The following PCDH15 variants were observed in gnomAD, a reference collection of about 807,000 sequenced individuals.
PCDH15 encodes the protein protocadherin-15.
In PCDH15, 129 loss-of-function variants were observed where a neutral mutation model predicts 178.5. That is an observed-to-expected ratio of 0.72 (90% CI 0.63 to 0.84). The LOEUF (loss-of-function observed/expected upper bound fraction) is 0.84. PCDH15 is among the 40% of genes least tolerant of loss of function. PCDH15 has a pLI of 0.00. For synonymous variants in PCDH15, 800 were observed against 732.0 expected (o/e 1.09, Z -1.50); for missense variants, 2,230 against 2,099.9 (o/e 1.06, Z -1.21).
At chr10:55,284,333 G>T (rs1004269983) in intron 1 of PCDH15, among the ~76,000 whole-genome samples, 2 of 152,028 alleles carry the variant, frequency 1.3e-5, no homozygotes, top group African/African-American at 2.4e-5. Flanking sequence ...AAACTACACT[G>T]AGAGTAAGTT....
intron 2 of PCDH15, among the ~76,000 whole-genome samples, chr10:54,927,536 T>C (rs1837662534): frequency 6.7e-6 from 1 of 149,986 alleles, no homozygotes; most frequent in African/African-American, 2.4e-5. Context: ...TAATGAAGTG[T>C]GGAAATCTTC....
At chr10:55,288,870 G>GATATATATATATATATATAT (rs143549237) in intron 1 of PCDH15, among the ~76,000 whole-genome samples, 3 of 146,188 alleles carry the variant, frequency 2.1e-5, no homozygotes, top group African/African-American at 7.6e-5. Context: ...AATTCTATTA[G>GATATATATATATATATATAT]ATATATATAT....
chr10:54,804,585 G>A (rs57542033), upstream of PCDH15, among the ~76,000 whole-genome samples: 5,953 of 151,608 alleles, frequency 0.039, 350 homozygotes, highest in African/African-American at 0.13. Flanking sequence ...AATATGTTTA[G>A]CAGATTTTTG....
At chr10:54,003,341 T>C (rs755193084) in intron 20 of PCDH15, among the ~76,000 whole-genome samples, 1 of 151,988 alleles carries the variant, frequency 6.6e-6, no homozygotes, top group Non-Finnish European at 1.5e-5. Context: ...TAAAAAGTTA[T>C]ATAAAATTGA....
intron 2 of PCDH15, among the ~76,000 whole-genome samples, chr10:55,544,733 G>C (rs1304610108): frequency 6.6e-6 from 1 of 151,984 alleles, no homozygotes; most frequent in African/African-American, 2.4e-5. Context: ...GTTTTAATCT[G>C]GTGTATTTTT....
At chr10:53,928,074 A>C (rs1333208996) in intron 25 of PCDH15, among the ~76,000 whole-genome samples, 13 of 152,078 alleles carry the variant, frequency 8.5e-5, no homozygotes, top group Admixed American at 8.5e-4. Flanking sequence ...ATGAATATAG[A>C]AATTCAGAAA....
intron 7 of PCDH15, among the ~76,000 whole-genome samples, chr10:54,319,076 A>G (rs1020507557): frequency 4.3e-4 from 66 of 152,198 alleles, no homozygotes; most frequent in Middle Eastern, 3.2e-3. Context: ...AAGAACATCC[A>G]TTGTCAAGGG....
At chr10:55,356,328 A>C (rs1032699887) in intron 2 of PCDH15, among the ~76,000 whole-genome samples, 2 of 151,862 alleles carry the variant, frequency 1.3e-5, no homozygotes, top group African/African-American at 4.8e-5. Flanking sequence ...AAAGGAGAAG[A>C]GGAAAAAATG....
intron 1 of PCDH15, among the ~76,000 whole-genome samples, chr10:55,288,258 A>T (rs1842922816): frequency 6.6e-6 from 1 of 150,998 alleles, no homozygotes; most frequent in African/African-American, 2.4e-5. Flanking sequence ...TTGTTTATCT[A>T]GTATCGAATA....
intron 3 of PCDH15, among the ~76,000 whole-genome samples, chr10:54,415,967 C>T (rs7913337): frequency 0.79 from 120,169 of 151,394 alleles, 48,446 homozygotes; most frequent in East Asian, 0.97. Flanking sequence ...AAAAAATCGA[C>T]TTTTTTATTT....
At chr10:54,293,732 G>C (rs921611466) in intron 8 of PCDH15, among the ~76,000 whole-genome samples, 3 of 152,082 alleles carry the variant, frequency 2.0e-5, no homozygotes, top group African/African-American at 7.2e-5. Context: ...CATCATCACT[G>C]GTCACCAGAG....
intron 2 of PCDH15, among the ~76,000 whole-genome samples, chr10:55,615,329 A>T (rs1843452012): frequency 1.3e-5 from 2 of 152,218 alleles, no homozygotes; most frequent in Admixed American, 1.3e-4. Flanking sequence ...AACAATAAAA[A>T]TCACTTACTC....
chr10:54,803,319 CTATT>C (rs972226094), upstream of PCDH15, among the ~76,000 whole-genome samples: 19 of 152,026 alleles, frequency 1.2e-4, no homozygotes, highest in African/African-American at 4.3e-4. Flanking sequence ...AACAAAATAC[CTATT>C]TTTTGACAGA....
chr10:55,042,233 G>GGT (rs1840882014), intron 2 of PCDH15, among the ~76,000 whole-genome samples: 1 of 152,092 alleles, frequency 6.6e-6, no homozygotes, highest in Non-Finnish European at 1.5e-5. Flanking sequence ...CTTGTAGGGT[G>GGT]GTGACAACAG....
At chr10:55,279,002 T>A (rs1295800050) in intron 1 of PCDH15, among the ~76,000 whole-genome samples, 1 of 152,204 alleles carries the variant, frequency 6.6e-6, no homozygotes, top group Non-Finnish European at 1.5e-5. Flanking sequence ...AGTGTTAACA[T>A]TCCAGCATTT....
At chr10:54,750,055 A>G (rs1169152803) in intron 1 of PCDH15, among the ~76,000 whole-genome samples, 1 of 152,070 alleles carries the variant, frequency 6.6e-6, no homozygotes, top group Non-Finnish European at 1.5e-5. Flanking sequence ...TTCATTGTCA[A>G]GTTTCCTACT....
chr10:55,405,377 GA>G (rs1440245024), intron 2 of PCDH15, among the ~76,000 whole-genome samples: 3 of 147,448 alleles, frequency 2.0e-5, no homozygotes, highest in Non-Finnish European at 4.5e-5. Flanking sequence ...CTTTATCTAT[GA>G]AAGACTTCTT....
At chr10:53,879,063 T>C (rs1589220474) in intron 26 of PCDH15, among the ~76,000 whole-genome samples, 1 of 152,002 alleles carries the variant, frequency 6.6e-6, no homozygotes, top group East Asian at 1.9e-4. Context: ...GATCTTTGAA[T>C]ACTTTGTAGC....
chr10:55,155,391 A>T (rs1838854391), intron 2 of PCDH15, among the ~76,000 whole-genome samples: 1 of 150,646 alleles, frequency 6.6e-6, no homozygotes, highest in African/African-American at 2.4e-5. Context: ...GAAGAGAAGA[A>T]TGGGTGAAAT....
Sources: gnomAD v4.1 joint callset for allele counts (sites outside exome capture counted in the v4.1 genomes callset) on GRCh38, gnomAD v4.1.1 for gene constraint, MANE v1.5 for transcripts, NCBI Gene and HGNC (gene_info 2026-07-23, HGNC 2026-07-21) for gene names.